The following RASGRP3 variants were observed in gnomAD, a reference collection of about 807,000 sequenced individuals.
The protein encoded by RASGRP3 is RAS guanyl releasing protein 3.
In RASGRP3, 54 loss-of-function variants were observed where a neutral mutation model predicts 82.7. The ratio of observed to expected loss-of-function variants is 0.65; its 90% CI spans 0.52 to 0.82. The LOEUF is 0.82. Among genes scored for constraint, RASGRP3 ranks in the 40% least tolerant of loss-of-function variants. RASGRP3 has a pLI of 0.00. For synonymous variants in RASGRP3, 309 were observed against 300.5 expected (o/e 1.03, Z -0.29); for missense variants, 861 against 828.9 (o/e 1.04, Z -0.48).
At chr2:33,544,278 C>T (rs1446620898) in intron 13 of RASGRP3, among the ~76,000 whole-genome samples, 5 of 152,060 alleles carry the variant, frequency 3.3e-5, no homozygotes, top group East Asian at 1.9e-4. Flanking sequence ...AGCACCATTG[C>T]ACCCCAGTCT....
Position 33,558,844 on chromosome 2 carries a change from G to A in RASGRP3, c.1878G>A (p.Gly626=), listed in dbSNP as rs771286356. The change falls in exon 17 of 18, where the codon GGG becomes GGA. Residue 626 remains glycine (G), a synonymous_variant. Coordinates refer to ENST00000403687, the MANE Select transcript of RASGRP3 (RefSeq NM_001139488.2). ...CTGTCTGGTCAGAGGCTGGCTGGGG[G>A]GACTCGGGGTCCCACACCTTCCCTA... is the stretch of plus-strand genomic sequence containing the variant. ...TEPVWSEAGW[G]DSGSHTFPKM... is the part of the protein sequence containing the mutation. 2 of 1,613,974 alleles carry A rather than the reference G, an allele frequency of 1.2e-6. No homozygotes were observed. Among genetic ancestry groups the A allele is most frequent in the Non-Finnish European group, 1.7e-6 (2 of 1,179,904 alleles).
chr2:33,562,782 G>A lies in RASGRP3; in HGVS notation c.*45G>A, dbSNP rs766795861. 1 of 1,602,948 alleles carries A rather than the reference G, an allele frequency of 6.2e-7. No homozygotes were observed. Among genetic ancestry groups the A allele is most frequent in the Non-Finnish European group, 8.5e-7 (1 of 1,170,204 alleles). ...AAGGCAATAATGTTGGCTTTTGGAAGGGGCAAGACGAGAAACTCTGAAGAA... is the reference window on the plus strand; with the variant it reads ...AAGGCAATAATGTTGGCTTTTGGAAAGGGCAAGACGAGAAACTCTGAAGAA... On this transcript the variant is annotated 3_prime_UTR_variant, in exon 18 of 18. Coordinates refer to ENST00000403687, the MANE Select transcript of RASGRP3 (RefSeq NM_001139488.2).
In RASGRP3 at chr2:33,562,861, G is replaced by A. The variant is rs1676839492; in HGVS notation, c.*124G>A. On this transcript the variant is annotated 3_prime_UTR_variant, in exon 18 of 18. Transcript: ENST00000403687. Reference sequence around the variant, plus strand: ...AAGATACCTGGATGTTTACTGCCTTGGGACACTGTGGGATCTCCATGTTTG... The same window carrying A: ...AAGATACCTGGATGTTTACTGCCTTAGGACACTGTGGGATCTCCATGTTTG... 8.1e-7 allele frequency: 1 copy of A among 1,232,714 alleles called. No homozygotes were observed. 76.4% of individuals were successfully genotyped at this position (1,232,714 alleles called of 1,614,324 possible). A position where few individuals can be genotyped will look rare whatever the true frequency, so the allele number is the denominator to read the frequency against.
At chr2:33,448,657 G>T (rs1051923391) in intron 2 of RASGRP3, among the ~76,000 whole-genome samples, 1 of 152,008 alleles carries the variant, frequency 6.6e-6, no homozygotes, top group African/African-American at 2.4e-5. Flanking sequence ...GGCTGGGGGT[G>T]GGGGGAAAGG....
At chr2:33,560,644 T>A (rs557859754) in intron 17 of RASGRP3, among the ~76,000 whole-genome samples, 1 of 152,326 alleles carries the variant, frequency 6.6e-6, no homozygotes, top group Admixed American at 6.5e-5. Flanking sequence ...ATACACTAAC[T>A]CAGCCTGCAG....
chr2:33,459,494 A>T (rs1174116951), intron 2 of RASGRP3, among the ~76,000 whole-genome samples: 1 of 152,140 alleles, frequency 6.6e-6, no homozygotes, highest in Non-Finnish European at 1.5e-5. Flanking sequence ...AAATAACTGG[A>T]AATATAGAGC....
chr2:33,560,928 G>T (rs1277183178), intron 17 of RASGRP3, among the ~76,000 whole-genome samples: 1 of 152,192 alleles, frequency 6.6e-6, no homozygotes, highest in Non-Finnish European at 1.5e-5. Context: ...AAATAGGTAA[G>T]ATATCCTGAT....
chr2:33,479,589 G>T (rs924266760), intron 1 of RASGRP3, among the ~76,000 whole-genome samples: 1 of 152,124 alleles, frequency 6.6e-6, no homozygotes, highest in Non-Finnish European at 1.5e-5. Context: ...GGTGGGTCAC[G>T]GGGCAGGGGA....
At chr2:33,530,214 T>A (rs75685245) in intron 10 of RASGRP3, among the ~76,000 whole-genome samples, 6,477 of 152,224 alleles carry the variant, frequency 0.043, 185 homozygotes, top group South Asian at 0.099. Context: ...GACTCTAAAT[T>A]TTCTCCTGAA....
chr2:33,525,724 A>AAAC (rs1672491719), intron 9 of RASGRP3, among the ~76,000 whole-genome samples: 3 of 150,116 alleles, frequency 2.0e-5, no homozygotes, highest in African/African-American at 4.9e-5. Context: ...AAAAAAAAAA[A>AAAC]AAACTAGCCA....
At chr2:33,454,065 A>T (rs187336130) in intron 2 of RASGRP3, among the ~76,000 whole-genome samples, 11 of 151,460 alleles carry the variant, frequency 7.3e-5, no homozygotes, top group African/African-American at 2.4e-4. Context: ...TTATTTTTTT[A>T]AAAGCCATAC....
In RASGRP3 at chr2:33,558,669, C is replaced by T; in HGVS notation, c.1706-3C>T. 6.3e-7 allele frequency: 1 copy of T among 1,581,652 alleles called. No homozygotes were observed. The highest frequency in any genetic ancestry group is 1.9e-5 in the Admixed American group (1 of 53,980). On this transcript the variant is annotated splice_region_variant and splice_polypyrimidine_tract_variant and intron_variant, in intron 16 of 17. Transcript: ENST00000403687. ...AATAATCACCACCCTTTTTCACTTC[C>T]AGCGCAGGATGAGGTGTTTGAGTTC...
At chr2:33,491,989 G>C (rs1668884418) in intron 1 of RASGRP3, among the ~76,000 whole-genome samples, 2 of 152,208 alleles carry the variant, frequency 1.3e-5, no homozygotes, top group Admixed American at 1.3e-4. Flanking sequence ...GACCTGGACA[G>C]GATCATAGGT....
At chr2:33,454,523 GA>G (rs1204289779) in intron 2 of RASGRP3, among the ~76,000 whole-genome samples, 2 of 152,186 alleles carry the variant, frequency 1.3e-5, no homozygotes, top group East Asian at 3.9e-4. Flanking sequence ...GTATTATAAA[GA>G]TTTTGAGCTT....
At chr2:33,518,171 C>T (rs1000740814) in intron 4 of RASGRP3, among the ~76,000 whole-genome samples, 1 of 152,168 alleles carries the variant, frequency 6.6e-6, no homozygotes, top group African/African-American at 2.4e-5. Flanking sequence ...ATAGAGTGCA[C>T]TCACACAAGC....
chr2:33,541,223 A>G (rs1275726688), intron 12 of RASGRP3, among the ~76,000 whole-genome samples: 1 of 147,232 alleles, frequency 6.8e-6, no homozygotes, highest in Admixed American at 7.0e-5. Flanking sequence ...ATATTAAAGC[A>G]TTACATAAAT....
In RASGRP3 at chr2:33,562,887, G is replaced by GACTA; in HGVS notation, c.*151_*154dup. The stretch of plus-strand genomic sequence containing the variant: ...GGACACTGTGGGATCTCCATGTTTG[G>GACTA]ACTATGGGACAGAGAATTGACCCTA... On this transcript the variant is annotated 3_prime_UTR_variant, in exon 18 of 18. Transcript: ENST00000403687. The GACTA allele has an allele frequency of 9.9e-7, 1 of 1,015,138 alleles. No homozygotes were observed. The highest frequency in any genetic ancestry group is 1.4e-6 in the Non-Finnish European group (1 of 691,996). 62.9% of individuals were successfully genotyped at this position (1,015,138 alleles called of 1,614,324 possible). A position where few individuals can be genotyped will look rare whatever the true frequency, so the allele number is the denominator to read the frequency against.
intron 1 of RASGRP3, among the ~76,000 whole-genome samples, chr2:33,483,304 A>G (rs1323604682): frequency 6.6e-6 from 1 of 152,140 alleles, no homozygotes; most frequent in Admixed American, 6.5e-5. Context: ...ACCCCACAAT[A>G]GGTTCTAAGC....
At chr2:33,499,747 A>G (rs1012806610) in intron 1 of RASGRP3, among the ~76,000 whole-genome samples, 3 of 146,486 alleles carry the variant, frequency 2.0e-5, no homozygotes, top group African/African-American at 7.9e-5. Context: ...TACATGCCCC[A>G]TTAAAATATC....
Sources: gnomAD v4.1 joint callset for allele counts (sites outside exome capture counted in the v4.1 genomes callset) on GRCh38, gnomAD v4.1.1 for gene constraint, MANE v1.5 for transcripts, NCBI Gene and HGNC (gene_info 2026-07-23, HGNC 2026-07-21) for gene names.